Variants in RBAK observed in about 807,000 individuals in gnomAD.
RBAK encodes RB-associated KRAB zinc finger protein.
RBAK carries 39 observed loss-of-function variants against 65.8 expected under a neutral mutation model. The observed-to-expected ratio is 0.59, with a 90% confidence interval of 0.46 to 0.77. RBAK has a LOEUF of 0.77. Among genes scored for constraint, RBAK ranks in the 30% least tolerant of loss-of-function variants. The pLI is 0.00. For synonymous variants in RBAK, 343 were observed against 289.7 expected, an observed-to-expected ratio of 1.18 and a Z score of -1.87; for missense variants, 884 against 855.1, an observed-to-expected ratio of 1.03 and a Z score of -0.42.
intron 2 of RBAK, among the ~76,000 whole-genome samples, chr7:5,055,250 G>A (rs1359586022): frequency 4.5e-5 from 2 of 44,582 alleles, no homozygotes; most frequent in East Asian, 9.2e-4. Flanking sequence ...GCATAAATGT[G>A]TGTGTGTGTG....
At position 5,068,360 on chromosome 7, in the gene RBAK, A is replaced by G. The variant is rs1223982591; in HGVS notation, c.*2759A>G. ...AGTTTTCTGGTCCCTGATCTCGAATATGTAAAGAGCACCTACAAATCAACA... is the reference window on the plus strand; with the variant it reads ...AGTTTTCTGGTCCCTGATCTCGAATGTGTAAAGAGCACCTACAAATCAACA... On this transcript the variant is annotated 3_prime_UTR_variant, in exon 5 of 5. Transcript: ENST00000396912. The G allele has an allele frequency of 6.6e-6, 1 of 152,198 alleles. No homozygotes were observed. Among genetic ancestry groups the G allele is most frequent in the Admixed American group, 6.5e-5 (1 of 15,268 alleles). The allele number at this position is 152,198 out of a possible 1,614,324, so 9.4% of individuals were successfully genotyped here.
chr7:5,050,862 C>T (rs1338812051), intron 2 of RBAK, among the ~76,000 whole-genome samples: 14 of 152,200 alleles, frequency 9.2e-5, no homozygotes, highest in Admixed American at 6.5e-4. Flanking sequence ...TGAGTCACCA[C>T]AGCTGGCCTA....
chr7:5,058,054 T>C (rs1444878984), intron 4 of RBAK, among the ~76,000 whole-genome samples: 3 of 129,140 alleles, frequency 2.3e-5, no homozygotes, highest in African/African-American at 9.5e-5. Flanking sequence ...CATTACAGAA[T>C]TGTTTTGGGT....
rs1296165694 is a variant in RBAK, at chr7:5,066,539, C to G, written c.*938C>G. On this transcript the variant is annotated 3_prime_UTR_variant, in exon 5 of 5. Transcript: ENST00000396912. ...TTTTAACCCATAGGTTTGAGTGTGC[C>G]TAGTGCCAATATTTTGTAATTTAGA... 6.6e-6 allele frequency: 1 copy of G among 152,182 alleles called. No individual in the cohort carries two copies. Among genetic ancestry groups the G allele is most frequent in the African/African-American group, 2.4e-5 (1 of 41,456 alleles). 9.4% of individuals were successfully genotyped at this position (152,182 alleles called of 1,614,324 possible).
rs1367687840 is a variant in RBAK at position 5,046,131 on chromosome 7, C to A, written c.-310C>A. 6.2e-6 allele frequency: 2 copies of A among 323,378 alleles called. No individual in the cohort carries two copies. The highest frequency in any genetic ancestry group is 1.4e-4 in the East Asian group (1 of 7,142). 20.0% of individuals were successfully genotyped at this position (323,378 alleles called of 1,614,324 possible). ...GGAGGTGGCGGCGGAGGCGAAGGGG[C>A]GGCGGGACGCGGGCCTGGCCCGTGT... On this transcript the variant is annotated 5_prime_UTR_variant, in exon 1 of 5. Transcript: ENST00000396912.
In RBAK at chr7:5,063,845, C is replaced by T. The variant is rs766785213; in HGVS notation, c.389C>T (p.Ser130Leu). The change falls in exon 5 of 5, where the codon TCA (serine) becomes TTA (leucine). Residue 130 changes from serine to leucine, a missense_variant. Ser to Leu is a moderately radical substitution (Grantham distance 145). Transcript: ENST00000396912. ...TACATGGAAACAAGCCTTGTTCCTT[C>T]AAGCATAATAGCTCATAATTGTGTC... Reference protein sequence around the residue: ...QIYMETSLVPSSIIAHNCVSC... With the variant: ...QIYMETSLVPLSIIAHNCVSC... 1.2e-6 allele frequency: 2 copies of T among 1,614,044 alleles called. No homozygotes were observed. Among genetic ancestry groups the T allele is most frequent in the South Asian group, 2.2e-5 (2 of 91,058 alleles).
Position 5,064,799 on chromosome 7 carries a change from A to T in RBAK, c.1343A>T (p.Tyr448Phe), listed in dbSNP as rs752912140. 1 of 1,614,118 alleles carries T rather than the reference A, an allele frequency of 6.2e-7. No homozygotes were observed. The highest frequency in any genetic ancestry group is 1.1e-5 in the South Asian group (1 of 91,088). ...CGGGTGTCATACCTCACTATACATT[A>T]TAGAAGTCATTTAGAAGAGAAACCC... Reference protein sequence around the residue: ...FSRVSYLTIHYRSHLEEKPYE... With the variant: ...FSRVSYLTIHFRSHLEEKPYE... The change falls in exon 5 of 5, where the codon TAT (tyrosine) becomes TTT (phenylalanine). Residue 448 changes from tyrosine to phenylalanine, a missense_variant. Transcript: ENST00000396912. The surrounding 1 kb of genome is among the most constrained non-coding windows in gnomAD (Gnocchi z 6.3).
At chr7:5,052,453 C>T (rs1221607296) in intron 2 of RBAK, among the ~76,000 whole-genome samples, 2 of 152,118 alleles carry the variant, frequency 1.3e-5, no homozygotes, top group African/African-American at 4.8e-5. Context: ...TGTCTTCCTT[C>T]CTCTTGATTA....
At chr7:5,052,790 C>G (rs1400806682) in intron 2 of RBAK, among the ~76,000 whole-genome samples, 1 of 152,050 alleles carries the variant, frequency 6.6e-6, no homozygotes, top group African/African-American at 2.4e-5. Flanking sequence ...GTTGGAGTCT[C>G]ACTCTGTCCC....
intron 2 of RBAK, among the ~76,000 whole-genome samples, chr7:5,056,600 A>T (rs7805935): frequency 0.038 from 5,814 of 152,230 alleles, 414 homozygotes; most frequent in African/African-American, 0.13. Context: ...TCTTTTGTTA[A>T]ATCATTCTGC....
chr7:5,050,173 C>T (rs1788084652), intron 2 of RBAK, among the ~76,000 whole-genome samples: 1 of 152,220 alleles, frequency 6.6e-6, no homozygotes, highest in Non-Finnish European at 1.5e-5. Flanking sequence ...AGGAATAACC[C>T]ATAATACTCT....
At chr7:5,058,035 C>G (rs929115396) in intron 4 of RBAK, among the ~76,000 whole-genome samples, 4 of 151,324 alleles carry the variant, frequency 2.6e-5, no homozygotes, top group Admixed American at 6.6e-5. Flanking sequence ...AACTTATTTA[C>G]TCCCTTGCCA....
chr7:5,069,398 T>C lies in RBAK; in HGVS notation c.*3797T>C, dbSNP rs139490951. 1 of 152,344 alleles carries C rather than the reference T, an allele frequency of 6.6e-6. No homozygotes were observed. Among genetic ancestry groups the C allele is most frequent in the East Asian group, 1.9e-4 (1 of 5,192 alleles). 9.4% of individuals were successfully genotyped at this position (152,344 alleles called of 1,614,324 possible). On this transcript the variant is annotated 3_prime_UTR_variant, in exon 5 of 5. Transcript: ENST00000396912. The stretch of plus-strand genomic sequence containing the variant: ...AGAAGGTTAAAGAATCATTACATAC[T>C]TTGTCATCCTATACTTTTGCATATA...
intron 2 of RBAK, among the ~76,000 whole-genome samples, chr7:5,050,314 G>C (rs538711583): frequency 6.6e-6 from 1 of 152,284 alleles, no homozygotes; most frequent in African/African-American, 2.4e-5. Flanking sequence ...TTCACCTTTA[G>C]CACATTTAAA....
At position 5,066,968 on chromosome 7, in the gene RBAK, G is replaced by C. The variant is rs1013884919; in HGVS notation, c.*1367G>C. ...GCTATTATACACCACCTGTAGAAAA[G>C]TAATCTGGCATGCAGAACATTCTTG... is the stretch of plus-strand genomic sequence containing the variant. On this transcript the variant is annotated 3_prime_UTR_variant, in exon 5 of 5. Coordinates refer to ENST00000396912, the MANE Select transcript of RBAK (RefSeq NM_021163.4). 15 of 152,164 alleles carry C rather than the reference G, an allele frequency of 9.9e-5. No homozygotes were observed. Among genetic ancestry groups the C allele is most frequent in the African/African-American group, 3.4e-4 (14 of 41,442 alleles). 9.4% of individuals were successfully genotyped at this position (152,164 alleles called of 1,614,324 possible).
rs59049204 is a variant in RBAK, at chr7:5,054,946, G to T, written c.16-2349G>T. ...CTTAATAATACAACTAATTTTTTTT[G>T]TTTGTTTGTTTTTTAGTAGAGATGG... On this transcript the variant is annotated intron_variant, in intron 2 of 4. Transcript: ENST00000396912. Among the ~76,000 whole-genome samples the T allele has an allele frequency of 2.3e-3, 319 of 139,910 alleles. 2 individuals carry two copies. The highest frequency in any genetic ancestry group is 0.01 in the African/African-American group (302 of 30,122). The allele number at this position is 139,910 out of a possible 152,430, so 91.8% of individuals were successfully genotyped here.
Position 5,063,741 on chromosome 7 carries a change from A to T in RBAK, c.285A>T (p.Glu95Asp). Residue 95 changes from glutamate to aspartate, a missense_variant, in exon 5 of 5, where the codon GAA (glutamate) becomes GAT (aspartate). By Grantham distance (45) the Glu-to-Asp change is conservative. Transcript: ENST00000396912. The part of the protein sequence containing the change: ...DDLIERIQEN[E>D]DKHSRQAACI... ...TGATAGAGAGAATCCAAGAAAACGAAGACAAACATTCAAGGCAAGCTGCTT... is the reference window on the plus strand; with the variant it reads ...TGATAGAGAGAATCCAAGAAAACGATGACAAACATTCAAGGCAAGCTGCTT... 1 of 1,612,658 alleles carries T rather than the reference A, an allele frequency of 6.2e-7. No homozygotes were observed. The highest frequency in any genetic ancestry group is 8.5e-7 in the Non-Finnish European group (1 of 1,179,618).
At chr7:5,054,428 G>A (rs1788180707) in intron 2 of RBAK, among the ~76,000 whole-genome samples, 1 of 149,388 alleles carries the variant, frequency 6.7e-6, no homozygotes, top group South Asian at 2.1e-4. Flanking sequence ...AAAAACCATT[G>A]CTTCATATAT....
At position 5,064,643 on chromosome 7, in the gene RBAK, C is replaced by G. The variant is rs761815000; in HGVS notation, c.1187C>G (p.Thr396Arg). The change falls in exon 5 of 5, where the codon ACG becomes AGG. Residue 396 changes from threonine (T) to arginine (R), a missense_variant. Coordinates refer to ENST00000396912, the MANE Select transcript of RBAK (RefSeq NM_021163.4). The surrounding 1 kb of genome is among the most constrained non-coding windows in gnomAD (Gnocchi z 6.3). Reference sequence around the variant, plus strand: ...CTCAGTGACCATCAGAGAACTCACACGGGAGAGAAGCTTTATAAATGTAAT... The same window carrying G: ...CTCAGTGACCATCAGAGAACTCACAGGGGAGAGAAGCTTTATAAATGTAAT... The part of the protein sequence containing the change: ...SALSDHQRTH[T>R]GEKLYKCNEC... The G allele has an allele frequency of 1.2e-6, 2 of 1,612,170 alleles. No homozygotes were observed. The highest frequency in any genetic ancestry group is 1.7e-6 in the Non-Finnish European group (2 of 1,178,686).
Sources: allele counts gnomAD v4.1 joint callset (sites outside exome capture counted in the v4.1 genomes callset), GRCh38; gene constraint gnomAD v4.1.1; non-coding constraint Gnocchi (gnomAD v3.1); transcripts MANE v1.5; gene names NCBI Gene and HGNC (gene_info 2026-07-23, HGNC 2026-07-21).